TSPAN9: variants seen among roughly 807,000 people sequenced by gnomAD.
TSPAN9 encodes tetraspanin 9.
Under a neutral mutation model 31.0 loss-of-function variants are expected in TSPAN9, and 16 were observed. The observed-to-expected ratio is 0.52, with a 90% confidence interval of 0.35 to 0.78. The LOEUF (loss-of-function observed/expected upper bound fraction) is 0.78, where lower values mean the gene tolerates loss of function less well. TSPAN9 is among the 30% of genes least tolerant of loss of function. TSPAN9 has a pLI of 0.01. For synonymous variants in TSPAN9, 145 were observed against 121.6 expected, an observed-to-expected ratio of 1.19 and a Z score of -1.27; for missense variants, 272 against 312.5, an observed-to-expected ratio of 0.87 and a Z score of 0.98.
chr12:3,229,800 C>T (rs1192691371), intron 3 of TSPAN9, among the ~76,000 whole-genome samples: 1 of 152,238 alleles, frequency 6.6e-6, no homozygotes, highest in Non-Finnish European at 1.5e-5. Flanking sequence ...AATGAAGCCC[C>T]TTCCAGCCAT....
At chr12:3,233,402 C>T (rs1489983867) in intron 3 of TSPAN9, among the ~76,000 whole-genome samples, 3 of 152,192 alleles carry the variant, frequency 2.0e-5, no homozygotes, top group South Asian at 2.1e-4. Flanking sequence ...CATCCCCTGG[C>T]GGAGGGCACC....
intron 2 of TSPAN9, among the ~76,000 whole-genome samples, chr12:3,194,271 G>A (rs1056339325): frequency 9.9e-5 from 15 of 152,196 alleles, no homozygotes; most frequent in Admixed American, 5.2e-4. Context: ...GTTGGAGTCT[G>A]AACAAAGGGC....
intron 2 of TSPAN9, chr12:3,173,308 T>A (rs1036082133): frequency 6.6e-6 from 1 of 152,350 alleles, no homozygotes; most frequent in Non-Finnish European, 1.5e-5. Context: ...TTCTTGATTC[T>A]GCCACGTCCT....
At chr12:3,253,009 T>A (rs1055385574) in intron 3 of TSPAN9, among the ~76,000 whole-genome samples, 2 of 152,124 alleles carry the variant, frequency 1.3e-5, no homozygotes, top group African/African-American at 4.8e-5. Context: ...CTGCGTGGCG[T>A]GTCCGAGTGA....
chr12:3,180,543 C>G (rs1014555776), intron 2 of TSPAN9, among the ~76,000 whole-genome samples: 2 of 151,654 alleles, frequency 1.3e-5, no homozygotes, highest in Non-Finnish European at 2.9e-5. Context: ...TGGGTCACAG[C>G]CTGCAGTTTG....
At chr12:3,142,292 C>G (rs2098335229) in intron 2 of TSPAN9, among the ~76,000 whole-genome samples, 1 of 152,200 alleles carries the variant, frequency 6.6e-6, no homozygotes, top group Non-Finnish European at 1.5e-5. Flanking sequence ...GGGCTTCCCA[C>G]TTGGCAACTG....
chr12:3,244,880 G>A (rs934312133), intron 3 of TSPAN9, among the ~76,000 whole-genome samples: 1 of 152,188 alleles, frequency 6.6e-6, no homozygotes, highest in African/African-American at 2.4e-5. Flanking sequence ...TCCTCCTGGG[G>A]CAGTGGACAC....
chr12:3,243,255 T>C (rs1332744584), intron 3 of TSPAN9, among the ~76,000 whole-genome samples: 1 of 152,178 alleles, frequency 6.6e-6, no homozygotes, highest in African/African-American at 2.4e-5. Flanking sequence ...ACCCATCATC[T>C]TTCCACCATC....
intron 2 of TSPAN9, among the ~76,000 whole-genome samples, chr12:3,121,632 C>G (rs1177233530): frequency 6.8e-6 from 1 of 146,900 alleles, no homozygotes; most frequent in Non-Finnish European, 1.5e-5. Flanking sequence ...CCTGCCTTGG[C>G]CTCCCAAAGT....
intron 2 of TSPAN9, among the ~76,000 whole-genome samples, chr12:3,098,176 A>G (rs2098310073): frequency 6.6e-6 from 1 of 152,146 alleles, no homozygotes; most frequent in African/African-American, 2.4e-5. Context: ...GGTGCCTCAG[A>G]TTTTTCCATC....
chr12:3,184,592 G>A (rs766864792), intron 2 of TSPAN9, among the ~76,000 whole-genome samples: 1 of 152,132 alleles, frequency 6.6e-6, no homozygotes. Flanking sequence ...AGGGCTCCCC[G>A]ATGATAGCAC....
Position 3,285,190 on chromosome 12 carries a change from C to T in TSPAN9, c.*2074C>T, listed in dbSNP as rs1208690066. The T allele has an allele frequency of 6.9e-6, 1 of 144,848 alleles. No individual in the cohort carries two copies. Among genetic ancestry groups the T allele is most frequent in the African/African-American group, 2.6e-5 (1 of 39,194 alleles). 9.0% of individuals were successfully genotyped at this position (144,848 alleles called of 1,614,324 possible). The stretch of plus-strand genomic sequence containing the variant: ...CAAAGTGCAGATTCCGGAGCAGACA[C>T]ATCCGGGCGGAGAGACTCAGCAGAC... On this transcript the variant is annotated 3_prime_UTR_variant, in exon 9 of 9. Transcript: ENST00000011898.
Position 3,261,554 on chromosome 12 carries a change from G to A in TSPAN9, c.64-16867G>A, listed in dbSNP as rs113697381. On this transcript the variant is annotated intron_variant, in intron 3 of 8. Transcript: ENST00000011898. ...CGTCTCCAAAGTAGGGGACACAGGC[G>A]GAGAAGCATGTTCAAAAGACTAGGA... 1.4e-4 allele frequency among the ~76,000 whole-genome samples: 22 copies of A among 152,278 alleles called. 2 individuals carry two copies. The highest frequency in any genetic ancestry group is 8.3e-4 in the South Asian group (4 of 4,824).
In TSPAN9 at chr12:3,097,302, C is replaced by T. The variant is rs560981710; in HGVS notation, c.-18+13583C>T. Among the ~76,000 whole-genome samples, 18 of 152,304 alleles carry T rather than the reference C, an allele frequency of 1.2e-4. No individual in the cohort carries two copies. The South Asian group carries it at 2.1e-3, about 18-fold the overall frequency. Reference sequence around the variant, plus strand: ...GTGGGCAGCTTTGGAGGAAAACATGCGCCCAAAATGGCCAAATCCATGAGG... The same window carrying T: ...GTGGGCAGCTTTGGAGGAAAACATGTGCCCAAAATGGCCAAATCCATGAGG... On this transcript the variant is annotated intron_variant, in intron 2 of 8. Transcript: ENST00000011898.
intron 3 of TSPAN9, among the ~76,000 whole-genome samples, chr12:3,263,312 C>G (rs1241243265): frequency 6.6e-6 from 1 of 152,190 alleles, no homozygotes; most frequent in Non-Finnish European, 1.5e-5. Flanking sequence ...CCCAGGATGA[C>G]CTGGCCCGTT....
intron 2 of TSPAN9, among the ~76,000 whole-genome samples, chr12:3,177,394 C>G (rs1454123670): frequency 6.6e-6 from 1 of 150,702 alleles, no homozygotes; most frequent in African/African-American, 2.4e-5. Context: ...GCCTCGGCCT[C>G]CCCAAGTGCT....
chr12:3,227,610 T>G (rs1261273308), intron 3 of TSPAN9, among the ~76,000 whole-genome samples: 1 of 152,152 alleles, frequency 6.6e-6, no homozygotes, highest in African/African-American at 2.4e-5. Flanking sequence ...AGGGAGTGTT[T>G]GTGTGGCAGG....
At chr12:3,136,237 G>A (rs933713661) in intron 2 of TSPAN9, among the ~76,000 whole-genome samples, 2 of 152,216 alleles carry the variant, frequency 1.3e-5, no homozygotes, top group Admixed American at 1.3e-4. Context: ...CCTCCTCTTT[G>A]AGGGGCAGCC....
At chr12:3,198,457 C>T (rs1220218491) in intron 2 of TSPAN9, among the ~76,000 whole-genome samples, 8 of 98,720 alleles carry the variant, frequency 8.1e-5, no homozygotes, top group South Asian at 3.2e-4. Flanking sequence ...CCAGCACAGG[C>T]CACCACCAGC....
Sources: allele counts gnomAD v4.1 joint callset (sites outside exome capture counted in the v4.1 genomes callset), GRCh38; gene constraint gnomAD v4.1.1; transcripts MANE v1.5; gene names NCBI Gene and HGNC (gene_info 2026-07-23, HGNC 2026-07-21).